TXLNB: variants seen among roughly 807,000 people sequenced by gnomAD.
The protein encoded by TXLNB is taxilin beta, also known as beta-taxilin.
In TXLNB, 37 loss-of-function variants were observed where a neutral mutation model predicts 57.4. That is an observed-to-expected ratio of 0.64 (90% confidence interval 0.50 to 0.85). TXLNB has a LOEUF of 0.85. Ranked by LOEUF, TXLNB falls within the 40% of genes least tolerant of loss-of-function variation. The pLI, the probability that TXLNB is intolerant of heterozygous loss-of-function variation, is 0.00. For synonymous variants in TXLNB, 302 were observed against 309.6 expected (o/e 0.98, Z 0.26); for missense variants, 848 against 825.6 (o/e 1.03, Z -0.33).
the TXLNB span, among the ~76,000 whole-genome samples, chr6:139,193,722 C>G: frequency 1.3e-5 from 2 of 150,996 alleles, no homozygotes; most frequent in African/African-American, 4.9e-5. Flanking sequence ...GGTATGATCT[C>G]AGCTCACTGC....
chr6:139,191,003 G>GA, the TXLNB span, among the ~76,000 whole-genome samples: 1 of 152,164 alleles, frequency 6.6e-6, no homozygotes, highest in African/African-American at 2.4e-5. Flanking sequence ...GTACTGTATA[G>GA]AAAGGGGGAC....
chr6:139,316,780 G>C, the TXLNB span, among the ~76,000 whole-genome samples: 1 of 152,202 alleles, frequency 6.6e-6, no homozygotes, highest in Non-Finnish European at 1.5e-5. Flanking sequence ...GAAATGCATT[G>C]AGGTAAACCT....
At chr6:139,215,079 T>C in the TXLNB span, among the ~76,000 whole-genome samples, 1 of 151,922 alleles carries the variant, frequency 6.6e-6, no homozygotes, top group Non-Finnish European at 1.5e-5. Flanking sequence ...TTCAATGCCA[T>C]CCCCATCAAG....
At chr6:139,167,648 T>A in the TXLNB span, among the ~76,000 whole-genome samples, 1 of 152,292 alleles carries the variant, frequency 6.6e-6, no homozygotes, top group African/African-American at 2.4e-5. Context: ...TAAACCTGTT[T>A]AATGGGCCCA....
At chr6:139,229,698 G>A in the TXLNB span, among the ~76,000 whole-genome samples, 2 of 152,128 alleles carry the variant, frequency 1.3e-5, no homozygotes, top group Non-Finnish European at 2.9e-5. Flanking sequence ...CACATCCCAT[G>A]CCAGGAGCTT....
chr6:139,281,840 G>A (rs1777060480), intron 2 of TXLNB, among the ~76,000 whole-genome samples: 1 of 116,928 alleles, frequency 8.6e-6, no homozygotes, highest in Non-Finnish European at 1.6e-5. Flanking sequence ...GAGCCACCGC[G>A]CCCGGCCCTG....
the TXLNB span, among the ~76,000 whole-genome samples, chr6:139,183,987 G>A: frequency 6.6e-6 from 1 of 152,164 alleles, no homozygotes; most frequent in Non-Finnish European, 1.5e-5. Context: ...AAGAGACTTG[G>A]AGGACCGTCT....
chr6:139,305,114 C>A, the TXLNB span, among the ~76,000 whole-genome samples: 6 of 152,146 alleles, frequency 3.9e-5, no homozygotes, highest in African/African-American at 1.4e-4. Flanking sequence ...TTTTGAATTA[C>A]CTTTTCCACT....
At chr6:139,296,846 A>G (rs1777398233), upstream of TXLNB, among the ~76,000 whole-genome samples, 1 of 152,120 alleles carries the variant, frequency 6.6e-6, no homozygotes, top group Non-Finnish European at 1.5e-5. Context: ...GAATGCAGGA[A>G]TTCAAATCCA....
downstream of TXLNB, among the ~76,000 whole-genome samples, chr6:139,236,402 GC>G (rs1363608735): frequency 3.3e-5 from 5 of 152,250 alleles, 1 homozygote; most frequent in Middle Eastern, 3.4e-3. Context: ...AAAGAAGCGA[GC>G]CACACCCCCA....
chr6:139,307,873 T>C, the TXLNB span, among the ~76,000 whole-genome samples: 4 of 152,218 alleles, frequency 2.6e-5, no homozygotes, highest in Admixed American at 6.5e-5. Flanking sequence ...TTGATTTTTA[T>C]CCAGACGTGT....
At chr6:139,164,530 A>T in the TXLNB span, among the ~76,000 whole-genome samples, 610 of 152,166 alleles carry the variant, frequency 4.0e-3, 2 homozygotes, top group Middle Eastern at 0.014. Context: ...AGAATTGGCG[A>T]TGTAGTTTTT....
Position 139,242,812 on chromosome 6 carries a change from C to G in TXLNB, c.1769G>C (p.Cys590Ser), listed in dbSNP as rs2114417487. 6.2e-7 allele frequency: 1 copy of G among 1,614,094 alleles called. No individual in the cohort carries two copies. Among genetic ancestry groups the G allele is most frequent in the East Asian group, 2.2e-5 (1 of 44,872 alleles). Residue 590 changes from cysteine to serine, a missense_variant, in exon 10 of 10, where the codon TGC (cysteine) becomes TCC (serine). By Grantham distance (112) the Cys-to-Ser change is moderately radical. Transcript: ENST00000358430. The part of the protein sequence containing the change: ...SPAGLGAETQ[C>S]EGLPVGAQAD... ...CTGTGCTCCAACAGGGAGACCCTCGCATTGGGTTTCTGCTCCCAACCCGGC... is the reference window on the plus strand; with the variant it reads ...CTGTGCTCCAACAGGGAGACCCTCGGATTGGGTTTCTGCTCCCAACCCGGC...
the TXLNB span, among the ~76,000 whole-genome samples, chr6:139,216,109 C>A: frequency 6.6e-6 from 1 of 152,130 alleles, no homozygotes; most frequent in Admixed American, 6.6e-5. Flanking sequence ...TTTGACCCAG[C>A]CATCTCATTA....
At chr6:139,304,396 A>G in the TXLNB span, among the ~76,000 whole-genome samples, 4 of 152,186 alleles carry the variant, frequency 2.6e-5, no homozygotes, top group African/African-American at 7.2e-5. Context: ...AAATGATGCA[A>G]AGAAATAGGA....
At chr6:139,312,294 A>T in the TXLNB span, among the ~76,000 whole-genome samples, 1 of 152,202 alleles carries the variant, frequency 6.6e-6, no homozygotes, top group Non-Finnish European at 1.5e-5. Flanking sequence ...AAGGTAAAAA[A>T]AATCAATCTC....
At chr6:139,229,954 C>T in the TXLNB span, among the ~76,000 whole-genome samples, 2 of 152,132 alleles carry the variant, frequency 1.3e-5, no homozygotes, top group Non-Finnish European at 2.9e-5. Flanking sequence ...TTTTCCTGGA[C>T]GTTAATGCTT....
the TXLNB span, chr6:139,166,532 C>T: frequency 6.2e-7 from 1 of 1,614,254 alleles, no homozygotes; most frequent in Non-Finnish European, 8.5e-7. Flanking sequence ...CCTGGCCTTC[C>T]GCTTCTGCTC....
In TXLNB at chr6:139,262,765, C is replaced by T. The variant is rs143407572; in HGVS notation, c.696G>A (p.Ala232=). ...QRHNKTLKEE[A]LQRAREEEEK... is the part of the protein sequence containing the mutation. Reference sequence around the variant, plus strand: ...CTTCTTCCTCACGTGCCCGCTGAAGCGCCTCTTCCTGCGGATAAAAAGCAA... The same window carrying T: ...CTTCTTCCTCACGTGCCCGCTGAAGTGCCTCTTCCTGCGGATAAAAAGCAA... Residue 232 remains alanine (A), a synonymous_variant, in exon 5 of 10, where the codon GCG becomes GCA. Coordinates refer to ENST00000358430, the MANE Select transcript of TXLNB (RefSeq NM_153235.4). 2.2e-4 allele frequency: 357 copies of T among 1,612,584 alleles called. 1 individual carries two copies. In the African/African-American group the frequency reaches 4.1e-3, roughly 18 times the overall value.
Sources: allele counts gnomAD v4.1 joint callset (sites outside exome capture counted in the v4.1 genomes callset), GRCh38; gene constraint gnomAD v4.1.1; transcripts MANE v1.5; gene names NCBI Gene and HGNC (gene_info 2026-07-23, HGNC 2026-07-21).